Variants in LRMDA observed in about 807,000 individuals in gnomAD.
LRMDA encodes leucine-rich melanocyte differentiation-associated protein.
A neutral mutation model predicts 29.8 loss-of-function variants in LRMDA; 18 were observed. That is an observed-to-expected ratio of 0.60 (90% confidence interval 0.42 to 0.90). The LOEUF (loss-of-function observed/expected upper bound fraction) is 0.90, where lower values mean the gene tolerates loss of function less well. Among genes scored for constraint, LRMDA ranks in the 40% least tolerant of loss-of-function variants. The probability of loss-of-function intolerance (pLI) is 0.00; values close to 1 mark genes in which losing one functional copy is unlikely to be tolerated. For synonymous variants in LRMDA, 125 were observed against 109.4 expected, an observed-to-expected ratio of 1.14 and a Z score of -0.89; for missense variants, 273 against 273.9, an observed-to-expected ratio of 1.00 and a Z score of 0.02.
chr10:75,992,961 CAAATAA>C (rs72087103), intron 2 of LRMDA, among the ~76,000 whole-genome samples: 29,379 of 151,112 alleles, frequency 0.19, 3,206 homozygotes, highest in South Asian at 0.39. Context: ...GGTTAACTGT[CAAATAA>C]AAATAAAAAT....
intron 5 of LRMDA, among the ~76,000 whole-genome samples, chr10:76,060,419 T>A (rs1848685770): frequency 6.6e-6 from 1 of 152,184 alleles, no homozygotes; most frequent in African/African-American, 2.4e-5. Flanking sequence ...GATCTACAAG[T>A]GTTCACATCA....
At chr10:76,460,101 C>A (rs1263890038) in intron 6 of LRMDA, among the ~76,000 whole-genome samples, 3 of 152,178 alleles carry the variant, frequency 2.0e-5, no homozygotes, top group Non-Finnish European at 2.9e-5. Flanking sequence ...TATTTAGTGA[C>A]TGGCCTGTGA....
chr10:75,511,802 A>T (rs1443466465), intron 2 of LRMDA, among the ~76,000 whole-genome samples: 5 of 152,140 alleles, frequency 3.3e-5, no homozygotes, highest in Non-Finnish European at 7.3e-5. Flanking sequence ...AACCTTCTAG[A>T]TCATGAGCTC....
chr10:76,197,153 A>G (rs764105697), intron 5 of LRMDA, among the ~76,000 whole-genome samples: 1 of 152,196 alleles, frequency 6.6e-6, no homozygotes, highest in Non-Finnish European at 1.5e-5. Flanking sequence ...TGGTTCCCCA[A>G]TACATCTCTA....
chr10:75,686,159 G>A (rs1842079236), intron 2 of LRMDA, among the ~76,000 whole-genome samples: 1 of 152,180 alleles, frequency 6.6e-6, no homozygotes. Context: ...GCTTAGTCAG[G>A]GAGGACAGAG....
intron 2 of LRMDA, among the ~76,000 whole-genome samples, chr10:75,737,774 A>G (rs1038745373): frequency 1.3e-5 from 2 of 152,192 alleles, no homozygotes; most frequent in Admixed American, 1.3e-4. Flanking sequence ...CCATCATGGT[A>G]ATAGAAATAT....
intron 4 of LRMDA, among the ~76,000 whole-genome samples, chr10:76,056,665 C>T (rs1589307055): frequency 6.6e-6 from 1 of 152,350 alleles, no homozygotes; most frequent in East Asian, 1.9e-4. Flanking sequence ...CAGATTGTGA[C>T]AGTGCCTGGG....
chr10:76,351,466 A>T (rs1191608208), intron 6 of LRMDA, among the ~76,000 whole-genome samples: 1 of 152,026 alleles, frequency 6.6e-6, no homozygotes, highest in Non-Finnish European at 1.5e-5. Flanking sequence ...CTACTATTCT[A>T]GTTTCTCTGG....
chr10:76,089,313 A>G (rs963494520), intron 5 of LRMDA, among the ~76,000 whole-genome samples: 2 of 152,242 alleles, frequency 1.3e-5, no homozygotes, highest in African/African-American at 4.8e-5. Flanking sequence ...ACTGTGCAAC[A>G]CTTCCCTTTG....
intron 2 of LRMDA, among the ~76,000 whole-genome samples, chr10:75,518,148 G>C (rs1027829752): frequency 2.0e-5 from 3 of 152,138 alleles, no homozygotes; most frequent in Admixed American, 6.6e-5. Flanking sequence ...CAGTGATATT[G>C]GTCTAAAATT....
intron 2 of LRMDA, among the ~76,000 whole-genome samples, chr10:75,523,756 G>A (rs977746862): frequency 1.3e-5 from 2 of 152,178 alleles, no homozygotes; most frequent in South Asian, 4.1e-4. Flanking sequence ...TTCAAGTCCA[G>A]GGCCGGGGCA....
intron 6 of LRMDA, among the ~76,000 whole-genome samples, chr10:76,415,186 C>T (rs1157147784): frequency 6.6e-6 from 1 of 152,250 alleles, no homozygotes; most frequent in Non-Finnish European, 1.5e-5. Flanking sequence ...CCTTCTGGTT[C>T]TCTAAAGCTG....
At chr10:76,018,118 G>T (rs1057506066) in intron 2 of LRMDA, among the ~76,000 whole-genome samples, 4 of 152,204 alleles carry the variant, frequency 2.6e-5, no homozygotes, top group African/African-American at 9.7e-5. Flanking sequence ...CAGAACAGTT[G>T]TCAGAACTCA....
intron 2 of LRMDA, among the ~76,000 whole-genome samples, chr10:75,490,336 TACACACACAC>T (rs56077469): frequency 0.023 from 3,444 of 148,596 alleles, 53 homozygotes; most frequent in African/African-American, 0.031. Flanking sequence ...CATGTACACA[TACACACACAC>T]ACACACACAC....
chr10:76,155,496 G>A (rs1047692624), intron 5 of LRMDA, among the ~76,000 whole-genome samples: 2 of 152,096 alleles, frequency 1.3e-5, no homozygotes, highest in South Asian at 2.1e-4. Context: ...ATGTTAGAAT[G>A]GTAGACAATA....
chr10:75,847,679 G>A (rs963341413), intron 2 of LRMDA, among the ~76,000 whole-genome samples: 42 of 152,126 alleles, frequency 2.8e-4, no homozygotes, highest in African/African-American at 9.4e-4. Context: ...AAAAATGGGT[G>A]AAGGACATGA....
At chr10:76,014,206 T>G (rs1183386503) in intron 2 of LRMDA, among the ~76,000 whole-genome samples, 1 of 146,278 alleles carries the variant, frequency 6.8e-6, no homozygotes, top group Non-Finnish European at 1.5e-5. Flanking sequence ...ATTTACATAT[T>G]GTCTATGACT....
chr10:75,491,589 A>G (rs1346531495), intron 2 of LRMDA, among the ~76,000 whole-genome samples: 1 of 152,206 alleles, frequency 6.6e-6, no homozygotes, highest in African/African-American at 2.4e-5. Flanking sequence ...CAAGGGCCCC[A>G]AGTTGGGTAA....
intron 2 of LRMDA, among the ~76,000 whole-genome samples, chr10:75,738,661 G>T (rs1842794212): frequency 6.6e-6 from 1 of 152,166 alleles, no homozygotes; most frequent in East Asian, 1.9e-4. Context: ...TCCTAATGGG[G>T]TTAAATCAAG....
Sources: allele counts gnomAD v4.1 joint callset (sites outside exome capture counted in the v4.1 genomes callset), GRCh38; gene constraint gnomAD v4.1.1; transcripts MANE v1.5; gene names NCBI Gene and HGNC (gene_info 2026-07-23, HGNC 2026-07-21).